The following EIF2B5 variants were observed in gnomAD, a reference collection of about 807,000 sequenced individuals.
EIF2B5 encodes the protein eukaryotic translation initiation factor 2B subunit epsilon, also known as translation initiation factor eIF2B subunit epsilon.
EIF2B5 carries 38 observed loss-of-function variants against 87.3 expected under a neutral mutation model. The observed-to-expected ratio is 0.44, with a 90% CI of 0.34 to 0.57. The LOEUF is 0.57. EIF2B5 is among the 20% of genes least tolerant of loss of function. EIF2B5 has a pLI of 0.02. For synonymous variants in EIF2B5, 313 were observed against 339.6 expected, an observed-to-expected ratio of 0.92 and a Z score of 0.86; for missense variants, 784 against 909.5, an observed-to-expected ratio of 0.86 and a Z score of 1.78.
rs1471044846 is a variant in EIF2B5 at position 184,139,283 on chromosome 3, T to C, written c.766-797T>C. Among the ~76,000 whole-genome samples, 3 of 135,120 alleles carry C rather than the reference T, an allele frequency of 2.2e-5. No individual in the cohort carries two copies. In the Admixed American group the frequency reaches 2.3e-4, roughly 10 times the overall value. The allele number at this position is 135,120 out of a possible 152,430, so 88.6% of individuals were successfully genotyped here. A position where few individuals can be genotyped will look rare whatever the true frequency, so the allele number is the denominator to read the frequency against. ...TCTGCACCCAGCATTTTTTTTTTTT[T>C]TTTTTTTTTTTTTTTGAGTCGGAGT... is the stretch of plus-strand genomic sequence containing the variant. On this transcript the variant is annotated intron_variant, in intron 5 of 15. Coordinates refer to ENST00000648915, the MANE Select transcript of EIF2B5 (RefSeq NM_003907.3).
intron 7 of EIF2B5, 44 bp downstream of exon 7, chr3:184,140,774 A>C (rs1371821654): frequency 1.9e-6 from 3 of 1,607,922 alleles, no homozygotes; most frequent in South Asian, 2.2e-5. Flanking sequence ...TAGGAACAGG[A>C]ACCTGGGGGG....
rs774068091 is a variant in EIF2B5 at position 184,137,652 on chromosome 3, A to G, written c.353A>G (p.Asn118Ser). Residue 118 changes from asparagine to serine, a missense_variant, in exon 3 of 16, where the codon AAT becomes AGT. By Grantham distance (46) the Asn-to-Ser change is conservative (BLOSUM62 1). This residue lies in a region of EIF2B5 where 660 missense variants were observed against 789.5 expected (regional missense o/e 0.84). Transcript: ENST00000648915. ...KSKWCRPTSL[N>S]VVRIITSELY... is the part of the protein sequence containing the mutation. ...AAGTGGTGCCGCCCTACATCTCTCAATGTGGTTCGAATAATTACATCAGAG... is the reference window on the plus strand; with the variant it reads ...AAGTGGTGCCGCCCTACATCTCTCAGTGTGGTTCGAATAATTACATCAGAG... 21 of 1,613,950 alleles carry G rather than the reference A, an allele frequency of 1.3e-5. No individual in the cohort carries two copies. The Admixed American group carries it at 1.3e-4, about 10-fold the overall frequency.
In EIF2B5 at chr3:184,142,982, G is replaced by A; in HGVS notation, c.1655-70G>A. On this transcript the variant is annotated intron_variant, in intron 11 of 15. Coordinates refer to ENST00000648915, the MANE Select transcript of EIF2B5 (RefSeq NM_003907.3). The surrounding 1 kb of genome is among the most constrained non-coding windows in gnomAD (Gnocchi z 5.0). ...TTCCTCAGAAAGGGTTTGGTATCGA[G>A]TCAAGACTAGATGACTTAGAGCATT... The A allele has an allele frequency of 6.3e-7, 1 of 1,580,620 alleles. No individual in the cohort carries two copies. The highest frequency in any genetic ancestry group is 1.8e-5 in the Admixed American group (1 of 56,700).
chr3:184,141,871 C>G, intron 7 of EIF2B5, 54 bp from the exon 8 acceptor site: 1 of 1,611,970 alleles, frequency 6.2e-7, no homozygotes, highest in South Asian at 1.1e-5. Flanking sequence ...ATGAAGGGCT[C>G]TGCTCTGCGG....
chr3:184,143,407 G>A (rs979597118), intron 12 of EIF2B5, 35 bp from the exon 13 acceptor site: 1 of 1,614,124 alleles, frequency 6.2e-7, no homozygotes, highest in South Asian at 1.1e-5. Context: ...TGAAAGGCCA[G>A]TGAAGGCCCT....
chr3:184,137,869 T>G, intron 3 of EIF2B5, 29 bp from the exon 4 acceptor site: 1 of 1,614,206 alleles, frequency 6.2e-7, no homozygotes, highest in Non-Finnish European at 8.5e-7. Flanking sequence ...ACTGCTTTTT[T>G]GCAGTTCTGT....
Position 184,137,736 on chromosome 3 carries a change from C to G in EIF2B5, c.437C>G (p.Ser146Cys), listed in dbSNP as rs778087071. 1.5e-5 allele frequency: 24 copies of G among 1,614,182 alleles called. No homozygotes were observed. Among genetic ancestry groups the G allele is most frequent in the Non-Finnish European group, 1.9e-5 (23 of 1,180,026 alleles). ...GTTGATGCCAAGGCTTTGGTGCGCT[C>G]TGACTTTCTTCTGGTGTATGGGGAT... ...RDVDAKALVR[S>C]DFLLVYGDVI... Residue 146 changes from serine (S) to cysteine (C), a missense_variant, in exon 3 of 16, where the codon TCT (serine) becomes TGT (cysteine). Physicochemically the swap from Ser to Cys is moderately radical, Grantham distance 112 (BLOSUM62 -1). Coordinates refer to ENST00000648915, the MANE Select transcript of EIF2B5 (RefSeq NM_003907.3).
intron 15 of EIF2B5, 77 bp downstream of exon 15, chr3:184,144,784 G>T (rs991616125): frequency 6.3e-7 from 1 of 1,581,766 alleles, no homozygotes; most frequent in African/African-American, 1.3e-5. Context: ...TAGGGTGGTT[G>T]GTTTCTGGGG....
Position 184,144,599 on chromosome 3 carries a change from A to G in EIF2B5, c.1998A>G (p.Val666=). The change falls in exon 15 of 16, where the codon GTA becomes GTG. Residue 666 remains valine (V), a splice_region_variant and synonymous_variant. Transcript: ENST00000648915. ...HEALGISMAK[V]LMAFYQLEIL... ...TCCCCTTTATTGGCCTTTTGCAGGT[A>G]CTGATGGCTTTCTACCAGCTGGAGA... The G allele has an allele frequency of 1.2e-6, 2 of 1,614,044 alleles. No individual in the cohort carries two copies. Among genetic ancestry groups the G allele is most frequent in the Non-Finnish European group, 1.7e-6 (2 of 1,179,982 alleles).
chr3:184,135,822 G>A, intron 1 of EIF2B5: 1 of 595,678 alleles, frequency 1.7e-6, no homozygotes, highest in South Asian at 2.0e-5. Flanking sequence ...AGAGCTAAAT[G>A]TAGAAACAGC....
chr3:184,136,605 C>T lies in EIF2B5; in HGVS notation c.196-7C>T. The T allele has an allele frequency of 6.2e-7, 1 of 1,614,048 alleles. No homozygotes were observed. The highest frequency in any genetic ancestry group is 8.5e-7 in the Non-Finnish European group (1 of 1,180,020). Reference sequence around the variant, plus strand: ...CCTCAAGTTTTTTTTCATCTTGTATCCTTCAGGTCCTCTTGCCCCTGGCCA... The same window carrying T: ...CCTCAAGTTTTTTTTCATCTTGTATTCTTCAGGTCCTCTTGCCCCTGGCCA... On this transcript the variant is annotated splice_polypyrimidine_tract_variant and splice_region_variant and intron_variant, in intron 1 of 15. Coordinates refer to ENST00000648915, the MANE Select transcript of EIF2B5 (RefSeq NM_003907.3).
intron 4 of EIF2B5, 29 bp downstream of exon 4, chr3:184,138,104 T>A (rs1235530414): frequency 6.2e-7 from 1 of 1,613,956 alleles, no homozygotes; most frequent in Admixed American, 1.7e-5. Flanking sequence ...TCCTTTGAGA[T>A]GGGGAAGTGA....
rs886058216 is a variant in EIF2B5, at chr3:184,145,135, G to A, written c.*192G>A. The A allele has an allele frequency of 1.1e-5, 7 of 656,672 alleles. No homozygotes were observed. Among genetic ancestry groups the A allele is most frequent in the Middle Eastern group, 4.1e-4 (1 of 2,430 alleles). 40.7% of individuals were successfully genotyped at this position (656,672 alleles called of 1,614,324 possible). ...CCTCCCATCCTGACTGTGGAGTTGGGATGTGGAAGTGGGGCTGGAACAAAG... is the reference window on the plus strand; with the variant it reads ...CCTCCCATCCTGACTGTGGAGTTGGAATGTGGAAGTGGGGCTGGAACAAAG... On this transcript the variant is annotated 3_prime_UTR_variant, in exon 16 of 16. Coordinates refer to ENST00000648915, the MANE Select transcript of EIF2B5 (RefSeq NM_003907.3). This position sits in a 1 kb window ranked among gnomAD's most constrained non-coding sequence, Gnocchi z 4.0.
At chr3:184,136,938 G>A (rs191998519) in intron 2 of EIF2B5, 1 of 708,992 alleles carries the variant, frequency 1.4e-6, no homozygotes, top group African/African-American at 1.8e-5. Flanking sequence ...CTGTGACAAA[G>A]ATTAAAGAAT....
At chr3:184,138,889 TG>T in intron 5 of EIF2B5, 1 of 297,478 alleles carries the variant, frequency 3.4e-6, no homozygotes. Context: ...CACGAACTCC[TG>T]AGCTCAAGCA....
intron 1 of EIF2B5, 23 bp downstream of exon 1, chr3:184,135,603 G>T (rs1713313884): frequency 6.4e-7 from 1 of 1,572,732 alleles, no homozygotes; most frequent in African/African-American, 1.4e-5. Flanking sequence ...CACGCGAGCA[G>T]CCAGAGGGCA....
In EIF2B5 at chr3:184,137,677, G is replaced by C; in HGVS notation, c.378G>C (p.Glu126Asp). ...ATGTGGTTCGAATAATTACATCAGAGCTCTATCGATCACTGGGAGATGTCC... is the reference window on the plus strand; with the variant it reads ...ATGTGGTTCGAATAATTACATCAGACCTCTATCGATCACTGGGAGATGTCC... ...SLNVVRIITS[E>D]LYRSLGDVLR... The change falls in exon 3 of 16, where the codon GAG becomes GAC. Residue 126 changes from glutamate (E) to aspartate (D), a missense_variant. Around this residue, in one of 3 missense-constraint regions of EIF2B5, gnomAD observed 660 missense variants for 789.5 expected, o/e 0.84. Transcript: ENST00000648915. 6.2e-7 allele frequency: 1 copy of C among 1,614,208 alleles called. No individual in the cohort carries two copies. The highest frequency in any genetic ancestry group is 1.7e-5 in the Admixed American group (1 of 60,022).
chr3:184,143,498 T>C lies in EIF2B5; in HGVS notation c.1802T>C (p.Leu601Pro). Residue 601 changes from leucine (L) to proline (P), a missense_variant, in exon 13 of 16, where the codon CTG (leucine) becomes CCG (proline). Physicochemically the swap from Leu to Pro is moderately conservative, Grantham distance 98. This residue lies in a region of EIF2B5 where 660 missense variants were observed against 789.5 expected (regional missense o/e 0.84). Transcript: ENST00000648915. ...ATGCAGGTACTGAGCCACGTGGTCC[T>C]GGAGTTCCCCCTGCAACAGATGGAT... is the stretch of plus-strand genomic sequence containing the variant. The part of the protein sequence containing the change: ...EVMQVLSHVV[L>P]EFPLQQMDSP... The C allele has an allele frequency of 6.2e-7, 1 of 1,614,234 alleles. No homozygotes were observed. Among genetic ancestry groups the C allele is most frequent in the Non-Finnish European group, 8.5e-7 (1 of 1,180,046 alleles).
In EIF2B5 at chr3:184,142,979, C is replaced by T. The variant is rs1163981388; in HGVS notation, c.1655-73C>T. ...ACGTTCCTCAGAAAGGGTTTGGTAT[C>T]GAGTCAAGACTAGATGACTTAGAGC... On this transcript the variant is annotated intron_variant, in intron 11 of 15. Transcript: ENST00000648915. This position sits in a 1 kb window ranked among gnomAD's most constrained non-coding sequence, Gnocchi z 5.0. The T allele has an allele frequency of 5.1e-6, 8 of 1,572,390 alleles. No homozygotes were observed. Among genetic ancestry groups the T allele is most frequent in the Middle Eastern group, 1.7e-4 (1 of 6,028 alleles).
Sources: gnomAD v4.1 joint callset for allele counts (sites outside exome capture counted in the v4.1 genomes callset) on GRCh38, gnomAD v4.1.1 for gene constraint, gnomAD v4.1.1 regional missense constraint, Gnocchi (gnomAD v3.1) non-coding constraint, MANE v1.5 for transcripts, NCBI Gene and HGNC (gene_info 2026-07-23, HGNC 2026-07-21) for gene names.